PCDHGA8: variants seen among roughly 807,000 people sequenced by gnomAD.
PCDHGA8 encodes protocadherin gamma-A8.
In PCDHGA8, 45 loss-of-function variants were observed where a neutral mutation model predicts 59.2. The ratio of observed to expected loss-of-function variants is 0.76; its 90% confidence interval spans 0.60 to 0.98. PCDHGA8 has a LOEUF of 0.98. Among genes scored for constraint, PCDHGA8 ranks in the 50% least tolerant of loss-of-function variants. The pLI is 0.00. For missense variants in PCDHGA8, 1,257 were observed against 1,196.2 expected (o/e 1.05, Z -0.75); for synonymous variants, 531 against 519.0 (o/e 1.02, Z -0.32).
At chr5:141,444,531 C>T (rs1021207516) in intron 1 of PCDHGA8, among the ~76,000 whole-genome samples, 2 of 152,100 alleles carry the variant, frequency 1.3e-5, no homozygotes, top group Non-Finnish European at 1.5e-5. Context: ...GAGACAGTGA[C>T]TGTGTCTAGT....
At chr5:141,469,792 A>G (rs989190786) in intron 1 of PCDHGA8, among the ~76,000 whole-genome samples, 1 of 152,194 alleles carries the variant, frequency 6.6e-6, no homozygotes, top group African/African-American at 2.4e-5. Flanking sequence ...GTTATTTGTA[A>G]TTGCAAAAAC....
At position 141,486,190 on chromosome 5, in the gene PCDHGA8, T is replaced by A; in HGVS notation, c.2425-8617T>A. Reference sequence around the variant, plus strand: ...AGCAACATTGCAGCCTTCGAGTGGATCTGCTGGACGTAAATGACAATGCCC... The same window carrying A: ...AGCAACATTGCAGCCTTCGAGTGGAACTGCTGGACGTAAATGACAATGCCC... On this transcript the variant is annotated intron_variant, in intron 1 of 3. Transcript: ENST00000398604. The surrounding 1 kb of genome is among the most constrained non-coding windows in gnomAD (Gnocchi z 5.0). 1 of 1,614,122 alleles carries A rather than the reference T, an allele frequency of 6.2e-7. No individual in the cohort carries two copies. Among genetic ancestry groups the A allele is most frequent in the South Asian group, 1.1e-5 (1 of 91,070 alleles).
chr5:141,421,077 A>G (rs975269359), intron 1 of PCDHGA8: 1 of 619,100 alleles, frequency 1.6e-6, no homozygotes, highest in Non-Finnish European at 2.7e-6. Context: ...TGAGATGGAT[A>G]CTCACAGATC....
At chr5:141,399,957 C>T in intron 1 of PCDHGA8, 5 of 1,612,212 alleles carry the variant, frequency 3.1e-6, no homozygotes, top group South Asian at 1.1e-5. Flanking sequence ...CTAGCGAGCC[C>T]GGGCTCTTCA....
At position 141,392,785 on chromosome 5, in the gene PCDHGA8, T is replaced by C; in HGVS notation, c.-29T>C. On this transcript the variant is annotated 5_prime_UTR_variant, in exon 1 of 4. Coordinates refer to ENST00000398604, the MANE Select transcript of PCDHGA8 (RefSeq NM_032088.2). ...AAGACCCATTTATGCACAGTGAAGA[T>C]TCTGAGAGGATTCTGCAGCAAAACA... The C allele has an allele frequency of 1.3e-6, 2 of 1,549,118 alleles. No homozygotes were observed. Among genetic ancestry groups the C allele is most frequent in the Non-Finnish European group, 1.7e-6 (2 of 1,149,842 alleles).
chr5:141,489,864 T>G lies in PCDHGA8; in HGVS notation c.2425-4943T>G, dbSNP rs1274301673. ...TGGATCGTGAAGCCCAGGCAAGACA[T>G]CAGCTGGTGCTTACTGCTGTGGATG... On this transcript the variant is annotated intron_variant, in intron 1 of 3. Coordinates refer to ENST00000398604, the MANE Select transcript of PCDHGA8 (RefSeq NM_032088.2). This position sits in a 1 kb window ranked among gnomAD's most constrained non-coding sequence, Gnocchi z 4.5. 5 of 1,614,064 alleles carry G rather than the reference T, an allele frequency of 3.1e-6. No individual in the cohort carries two copies. The highest frequency in any genetic ancestry group is 3.4e-6 in the Non-Finnish European group (4 of 1,180,022).
At chr5:141,498,338 G>A (rs2237079) in intron 2 of PCDHGA8, among the ~76,000 whole-genome samples, 68,665 of 151,630 alleles carry the variant, frequency 0.45, 15,766 homozygotes, top group Admixed American at 0.55. Flanking sequence ...CATTCCAAAT[G>A]GGAAAAGCCT....
In PCDHGA8 at chr5:141,476,331, C is replaced by T; in HGVS notation, c.2425-18476C>T. On this transcript the variant is annotated intron_variant, in intron 1 of 3. Transcript: ENST00000398604. This position sits in a 1 kb window ranked among gnomAD's most constrained non-coding sequence, Gnocchi z 7.6. Reference sequence around the variant, plus strand: ...CGCAGGTTCCGGGTGGTGTCTGGAGCTAGCCGAAGATTCTTTGAGGTGAAC... The same window carrying T: ...CGCAGGTTCCGGGTGGTGTCTGGAGTTAGCCGAAGATTCTTTGAGGTGAAC... 1.2e-6 allele frequency: 2 copies of T among 1,614,156 alleles called. No individual in the cohort carries two copies. Among genetic ancestry groups the T allele is most frequent in the Non-Finnish European group, 1.7e-6 (2 of 1,180,042 alleles).
At chr5:141,479,200 AAAGT>A (rs1430087636) in intron 1 of PCDHGA8, 5 of 152,466 alleles carry the variant, frequency 3.3e-5, no homozygotes, top group African/African-American at 1.2e-4. Flanking sequence ...AAAATACAGA[AAAGT>A]ATTTAAAAAA....
At chr5:141,435,877 G>A (rs1554127514) in intron 1 of PCDHGA8, among the ~76,000 whole-genome samples, 1 of 152,092 alleles carries the variant, frequency 6.6e-6, no homozygotes, top group Non-Finnish European at 1.5e-5. Flanking sequence ...AAAAGAGATT[G>A]GAAACCCCTT....
At chr5:141,410,041 G>A (rs763879404) in intron 1 of PCDHGA8, 2 of 1,613,228 alleles carry the variant, frequency 1.2e-6, no homozygotes, top group East Asian at 2.2e-5. Flanking sequence ...AGGCCAGTGA[G>A]CCCGGACTCT....
chr5:141,490,730 A>C lies in PCDHGA8; in HGVS notation c.2425-4077A>C. On this transcript the variant is annotated intron_variant, in intron 1 of 3. Coordinates refer to ENST00000398604, the MANE Select transcript of PCDHGA8 (RefSeq NM_032088.2). This position sits in a 1 kb window ranked among gnomAD's most constrained non-coding sequence, Gnocchi z 5.4. ...CTCACCTACTCCATTGTAGGAAATC[A>C]GGTTCAGGGAGCCCCAGCCTCCTCC... 6.2e-7 allele frequency: 1 copy of C among 1,614,188 alleles called. No homozygotes were observed. Among genetic ancestry groups the C allele is most frequent in the Non-Finnish European group, 8.5e-7 (1 of 1,180,024 alleles).
At position 141,394,137 on chromosome 5, in the gene PCDHGA8, G is replaced by A. The variant is rs1406338034; in HGVS notation, c.1324G>A (p.Val442Met). ...LSTETQIALH[V>M]ADINDNPPTF... ...CACTGAAACTCAAATCGCTCTGCAC[G>A]TGGCAGACATTAACGACAACCCTCC... The change falls in exon 1 of 4, where the codon GTG (valine) becomes ATG (methionine). Residue 442 changes from valine to methionine, a missense_variant. By Grantham distance (21) the Val-to-Met change is conservative. Transcript: ENST00000398604. 10 of 1,613,902 alleles carry A rather than the reference G, an allele frequency of 6.2e-6. No homozygotes were observed. Among genetic ancestry groups the A allele is most frequent in the East Asian group, 2.2e-5 (1 of 44,876 alleles).
Position 141,393,073 on chromosome 5 carries a change from C to A in PCDHGA8, c.260C>A (p.Ala87Glu). 1.2e-6 allele frequency: 2 copies of A among 1,613,658 alleles called. No homozygotes were observed. The highest frequency in any genetic ancestry group is 8.5e-7 in the Non-Finnish European group (1 of 1,179,904). Residue 87 changes from alanine (A) to glutamate (E), a missense_variant, in exon 1 of 4, where the codon GCG (alanine) becomes GAG (glutamate). Physicochemically the swap from Ala to Glu is moderately radical, Grantham distance 107. Transcript: ENST00000398604. Reference protein sequence around the residue: ...LNPRSGSLITAGRIDREELCA... With the variant: ...LNPRSGSLITEGRIDREELCA... Reference sequence around the variant, plus strand: ...CCGCGCAGCGGCAGCTTGATCACCGCGGGCAGGATAGATCGGGAGGAGCTC... The same window carrying A: ...CCGCGCAGCGGCAGCTTGATCACCGAGGGCAGGATAGATCGGGAGGAGCTC...
chr5:141,439,636 G>A (rs114401133), intron 1 of PCDHGA8, among the ~76,000 whole-genome samples: 27 of 152,206 alleles, frequency 1.8e-4, no homozygotes, highest in Non-Finnish European at 2.9e-4. Context: ...CAGACATTCC[G>A]GCTTGGTGGC....
chr5:141,422,487 T>C lies in PCDHGA8; in HGVS notation c.2424+27250T>C, dbSNP rs1295400741. 5.0e-6 allele frequency: 8 copies of C among 1,613,938 alleles called. No individual in the cohort carries two copies. The East Asian group carries it at 1.8e-4, about 36-fold the overall frequency. ...ACAGGGAGTTGGTCCAGAGCTACAA[T>C]ATAACGTTGACAGCCACAGACCAGG... On this transcript the variant is annotated intron_variant, in intron 1 of 3. Coordinates refer to ENST00000398604, the MANE Select transcript of PCDHGA8 (RefSeq NM_032088.2).
chr5:141,474,961 A>G (rs1395755491), intron 1 of PCDHGA8, among the ~76,000 whole-genome samples: 1 of 152,254 alleles, frequency 6.6e-6, no homozygotes, highest in South Asian at 2.1e-4. Flanking sequence ...TCACTATCCT[A>G]ATCATTATAA....
In PCDHGA8 at chr5:141,489,483, T is replaced by C. The variant is rs2099687756; in HGVS notation, c.2425-5324T>C. ...GCTATTTTTCCCTGAGCTTGATGAGTGGTGCCCTGGCAGTGAATCAAAAGA... is the reference window on the plus strand; with the variant it reads ...GCTATTTTTCCCTGAGCTTGATGAGCGGTGCCCTGGCAGTGAATCAAAAGA... On this transcript the variant is annotated intron_variant, in intron 1 of 3. Coordinates refer to ENST00000398604, the MANE Select transcript of PCDHGA8 (RefSeq NM_032088.2). This position sits in a 1 kb window ranked among gnomAD's most constrained non-coding sequence, Gnocchi z 4.5. 1 of 1,613,862 alleles carries C rather than the reference T, an allele frequency of 6.2e-7. No individual in the cohort carries two copies. The highest frequency in any genetic ancestry group is 1.1e-5 in the South Asian group (1 of 91,078).
intron 1 of PCDHGA8, chr5:141,400,422 TA>T: frequency 6.2e-7 from 1 of 1,614,054 alleles, no homozygotes; most frequent in Non-Finnish European, 8.5e-7. Context: ...TCCTAAAATG[TA>T]GTGAGCAATT....
Sources: gnomAD v4.1 joint callset for allele counts (sites outside exome capture counted in the v4.1 genomes callset) on GRCh38, gnomAD v4.1.1 for gene constraint, Gnocchi (gnomAD v3.1) non-coding constraint, MANE v1.5 for transcripts, NCBI Gene and HGNC (gene_info 2026-07-23, HGNC 2026-07-21) for gene names.